The following KIRREL1 variants were observed in gnomAD, a reference collection of about 807,000 sequenced individuals.
KIRREL1 encodes the protein kin of IRRE-like protein 1.
A neutral mutation model predicts 83.3 loss-of-function variants in KIRREL1; 25 were observed. The ratio of observed to expected loss-of-function variants is 0.30; its 90% CI spans 0.22 to 0.42. KIRREL1 has a LOEUF of 0.42. Ranked by LOEUF, KIRREL1 falls within the 10% of genes least tolerant of loss-of-function variation. The pLI is 1.00. For missense variants in KIRREL1, 812 were observed against 1,032.3 expected (o/e 0.79, Z 2.92); for synonymous variants, 388 against 410.4 (o/e 0.95, Z 0.66).
At chr1:158,068,204 A>G (rs1361714589) in intron 1 of KIRREL1, among the ~76,000 whole-genome samples, 1 of 152,212 alleles carries the variant, frequency 6.6e-6, no homozygotes, top group Non-Finnish European at 1.5e-5. Flanking sequence ...GTCGGCAGAG[A>G]CAGGAGGTGA....
intron 3 of KIRREL1, among the ~76,000 whole-genome samples, chr1:158,079,326 T>C (rs1661778605): frequency 6.6e-6 from 1 of 152,096 alleles, no homozygotes; most frequent in Non-Finnish European, 1.5e-5. Flanking sequence ...GGTTGGTTGA[T>C]TGGTTGGTGT....
intron 1 of KIRREL1, among the ~76,000 whole-genome samples, chr1:158,005,550 TTTTTTTAATGAAAAAAGTCC>T (rs1295043084): frequency 6.6e-6 from 1 of 151,996 alleles, no homozygotes; most frequent in Non-Finnish European, 1.5e-5. Flanking sequence ...CCACTTTTTT[TTTTTTTAATGAAAAAAGTCC>T]TCATAATTCA....
chr1:158,029,339 G>GTGTGTGTGTGTGTGTA (rs1660255222), intron 1 of KIRREL1, among the ~76,000 whole-genome samples: 1 of 141,314 alleles, frequency 7.1e-6, no homozygotes, highest in Non-Finnish European at 1.5e-5. Context: ...ACAAAAACCT[G>GTGTGTGTGTGTGTGTA]TGTGTGTGTG....
At chr1:158,061,966 C>T (rs1477963829) in intron 1 of KIRREL1, among the ~76,000 whole-genome samples, 2 of 152,076 alleles carry the variant, frequency 1.3e-5, no homozygotes, top group African/African-American at 4.8e-5. Flanking sequence ...ATACTTGCCT[C>T]CTTCATGGAA....
At position 158,094,708 on chromosome 1, in the gene KIRREL1, T is replaced by G. The variant is rs1054339025; in HGVS notation, c.1862T>G (p.Leu621Arg). 2 of 1,612,466 alleles carry G rather than the reference T, an allele frequency of 1.2e-6. No individual in the cohort carries two copies. The highest frequency in any genetic ancestry group is 2.7e-5 in the African/African-American group (2 of 74,844). ...GACCGCCCGTCTTCCAGGGCAGTGC[T>G]CTATGCTGACTACCGTGCCCCTGGC... ...HEDRPSSRAV[L>R]YADYRAPGPA... Residue 621 changes from leucine (L) to arginine (R), a missense_variant, in exon 15 of 15, where the codon CTC (leucine) becomes CGC (arginine). Physicochemically the swap from Leu to Arg is moderately radical, Grantham distance 102. This residue lies in a region of KIRREL1 where 334 missense variants were observed against 383.7 expected (regional missense o/e 0.87). Transcript: ENST00000359209. The surrounding 1 kb of genome is among the most constrained non-coding windows in gnomAD (Gnocchi z 4.6).
chr1:158,020,505 C>T (rs553471489), intron 1 of KIRREL1, among the ~76,000 whole-genome samples: 7 of 146,046 alleles, frequency 4.8e-5, no homozygotes, highest in Non-Finnish European at 1.0e-4. Flanking sequence ...TATAATGCTA[C>T]TTGTGGATAG....
intron 1 of KIRREL1, among the ~76,000 whole-genome samples, chr1:158,037,933 C>T (rs1570937707): frequency 6.6e-6 from 1 of 152,342 alleles, no homozygotes; most frequent in African/African-American, 2.4e-5. Context: ...TGATGGACTT[C>T]CTGCGACTCA....
intron 1 of KIRREL1, among the ~76,000 whole-genome samples, chr1:158,039,956 A>G (rs1660580735): frequency 6.6e-6 from 1 of 152,198 alleles, no homozygotes; most frequent in Non-Finnish European, 1.5e-5. Flanking sequence ...CAACCATGCC[A>G]TCTCCTTGTG....
Position 158,091,341 on chromosome 1 carries a change from T to A in KIRREL1, c.1273-17T>A. ...CCCTGCCCCTTTCTTACCTTCTTCCTTCCCTCTCCACCACAGGCATGGGCC... is the reference window on the plus strand; with the variant it reads ...CCCTGCCCCTTTCTTACCTTCTTCCATCCCTCTCCACCACAGGCATGGGCC... On this transcript the variant is annotated splice_polypyrimidine_tract_variant and intron_variant, in intron 10 of 14. Transcript: ENST00000359209. 6.2e-7 allele frequency: 1 copy of A among 1,610,300 alleles called. No individual in the cohort carries two copies.
chr1:158,075,097 C>G (rs1661639463), intron 1 of KIRREL1, among the ~76,000 whole-genome samples: 1 of 152,192 alleles, frequency 6.6e-6, no homozygotes, highest in Non-Finnish European at 1.5e-5. Context: ...AACCTGAGCC[C>G]CATAGCTCAC....
chr1:158,094,611 A>G lies in KIRREL1; in HGVS notation c.1798-33A>G, dbSNP rs1226603250. The G allele has an allele frequency of 6.5e-7, 1 of 1,528,332 alleles. No individual in the cohort carries two copies. Among genetic ancestry groups the G allele is most frequent in the Admixed American group, 1.7e-5 (1 of 57,402 alleles). 94.7% of individuals were successfully genotyped at this position (1,528,332 alleles called of 1,614,324 possible). A position where few individuals can be genotyped will look rare whatever the true frequency, so the allele number is the denominator to read the frequency against. On this transcript the variant is annotated intron_variant, in intron 14 of 14. Transcript: ENST00000359209. The surrounding 1 kb of genome is among the most constrained non-coding windows in gnomAD (Gnocchi z 4.6). The stretch of plus-strand genomic sequence containing the variant: ...ACTTGATCCCCACCCAAGAGGGAAC[A>G]CTGCCTCCATCCTCTTCTCTCATTG...
At chr1:158,056,947 G>A (rs1451496664) in intron 1 of KIRREL1, among the ~76,000 whole-genome samples, 2 of 152,102 alleles carry the variant, frequency 1.3e-5, no homozygotes, top group Non-Finnish European at 2.9e-5. Flanking sequence ...ATATGGAGGT[G>A]CCATATCCCA....
At chr1:158,020,487 C>T (rs1659974283) in intron 1 of KIRREL1, among the ~76,000 whole-genome samples, 1 of 150,654 alleles carries the variant, frequency 6.6e-6, no homozygotes, top group Non-Finnish European at 1.5e-5. Flanking sequence ...TAAGCTCCTG[C>T]ACTAGACTAT....
chr1:158,058,740 T>A (rs940532561), intron 1 of KIRREL1, among the ~76,000 whole-genome samples: 7 of 152,150 alleles, frequency 4.6e-5, no homozygotes, highest in African/African-American at 1.7e-4. Context: ...GGTATGCACA[T>A]TGCAGACGAC....
chr1:158,022,606 T>C (rs1377428788), intron 1 of KIRREL1, among the ~76,000 whole-genome samples: 2 of 152,230 alleles, frequency 1.3e-5, no homozygotes, highest in Admixed American at 6.5e-5. Context: ...ACCCCTACTA[T>C]AGATGTGCTT....
intron 1 of KIRREL1, among the ~76,000 whole-genome samples, chr1:158,018,244 C>A (rs1199899661): frequency 6.6e-6 from 1 of 152,178 alleles, no homozygotes; most frequent in African/African-American, 2.4e-5. Flanking sequence ...TGCAAAGAAG[C>A]CCTAGGCCTG....
chr1:158,067,915 A>T (rs1480339270), intron 1 of KIRREL1, among the ~76,000 whole-genome samples: 1 of 152,212 alleles, frequency 6.6e-6, no homozygotes, highest in Non-Finnish European at 1.5e-5. Context: ...AGGCCAGACC[A>T]TGGTCACTTG....
intron 1 of KIRREL1, among the ~76,000 whole-genome samples, chr1:158,016,373 T>C (rs1241425661): frequency 1.3e-5 from 2 of 152,150 alleles, no homozygotes; most frequent in Admixed American, 1.3e-4. Context: ...AAATTGTTTC[T>C]AATCTTTATT....
At chr1:158,092,900 G>A (rs894798760) in intron 11 of KIRREL1, among the ~76,000 whole-genome samples, 8 of 152,150 alleles carry the variant, frequency 5.3e-5, no homozygotes, top group East Asian at 1.9e-4. Context: ...GTGAACATTC[G>A]GCAGTCACAG....
Sources: gnomAD v4.1 joint callset for allele counts (sites outside exome capture counted in the v4.1 genomes callset) on GRCh38, gnomAD v4.1.1 for gene constraint, gnomAD v4.1.1 regional missense constraint, Gnocchi (gnomAD v3.1) non-coding constraint, MANE v1.5 for transcripts, NCBI Gene and HGNC (gene_info 2026-07-23, HGNC 2026-07-21) for gene names.